BABAM1: variants seen among roughly 807,000 people sequenced by gnomAD.
BABAM1 encodes the protein BRISC and BRCA1-A complex member 1.
BABAM1 carries 14 observed loss-of-function variants against 34.4 expected under a neutral mutation model. The ratio of observed to expected loss-of-function variants is 0.41; its 90% confidence interval spans 0.27 to 0.64. BABAM1 has a LOEUF of 0.64. Among genes scored for constraint, BABAM1 ranks in the 30% least tolerant of loss-of-function variants. BABAM1 has a pLI of 0.34. For missense variants in BABAM1, 393 were observed against 434.0 expected (o/e 0.91, Z 0.84); for synonymous variants, 169 against 165.8 (o/e 1.02, Z -0.15).
chr19:17,276,356 G>A, intron 6 of BABAM1, 139 bp from the exon 7 acceptor site: 1 of 1,317,328 alleles, frequency 7.6e-7, no homozygotes, highest in Non-Finnish European at 1.0e-6. Context: ...CTTATGGGAT[G>A]CCTCACAGGC....
At chr19:17,277,711 C>G (rs1405662492) in intron 8 of BABAM1, among the ~76,000 whole-genome samples, 1 of 152,090 alleles carries the variant, frequency 6.6e-6, no homozygotes, top group Non-Finnish European at 1.5e-5. Context: ...TCTCAGTACC[C>G]AAATCAAAAG....
chr19:17,278,351 C>T (rs2073936047), intron 8 of BABAM1, among the ~76,000 whole-genome samples: 1 of 149,832 alleles, frequency 6.7e-6, no homozygotes, highest in Admixed American at 6.6e-5. Context: ...CTCTGTCGCC[C>T]AGGCTGGAGA....
chr19:17,275,835 C>G lies in BABAM1; in HGVS notation c.569+10C>G. On this transcript the variant is annotated intron_variant, in intron 6 of 8. Coordinates refer to ENST00000598188, the MANE Select transcript of BABAM1 (RefSeq NM_014173.4). Reference sequence around the variant, plus strand: ...GACTTTTCAGCCTCATGTAAGTCCCCTGTGGGGAAATTCTTATTCACCTTC... The same window carrying G: ...GACTTTTCAGCCTCATGTAAGTCCCGTGTGGGGAAATTCTTATTCACCTTC... The G allele has an allele frequency of 1.2e-6, 2 of 1,612,784 alleles. No individual in the cohort carries two copies. Among genetic ancestry groups the G allele is most frequent in the Non-Finnish European group, 1.7e-6 (2 of 1,178,860 alleles).
rs1568332522 is a variant in BABAM1 at position 17,268,854 on chromosome 19, A to G, written c.48A>G (p.Glu16=). 1 of 1,609,986 alleles carries G rather than the reference A, an allele frequency of 6.2e-7. No homozygotes were observed. Among genetic ancestry groups the G allele is most frequent in the South Asian group, 1.1e-5 (1 of 90,324 alleles). Residue 16 remains glutamate (E), a synonymous_variant, in exon 2 of 9, where the codon GAA becomes GAG. Coordinates refer to ENST00000598188, the MANE Select transcript of BABAM1 (RefSeq NM_014173.4). ...GCCCCACTGAAGAGGAGGAGGAGGA[A>G]GAGGAGCACTCGGCAGAGCCTCGGC... ...PSSPTEEEEE[E]EEHSAEPRPR... is the part of the protein sequence containing the mutation.
chr19:17,269,647 G>C (rs899885931), intron 2 of BABAM1, among the ~76,000 whole-genome samples: 2 of 152,042 alleles, frequency 1.3e-5, no homozygotes, highest in South Asian at 4.1e-4. Flanking sequence ...CACTCTGCCT[G>C]ACCCTTTCTT....
At chr19:17,272,147 G>A (rs570068101) in intron 3 of BABAM1, among the ~76,000 whole-genome samples, 22 of 152,054 alleles carry the variant, frequency 1.4e-4, no homozygotes, top group Non-Finnish European at 2.5e-4. Flanking sequence ...TGCCATGTTG[G>A]CCAGGCTGGT....
At chr19:17,274,425 G>A (rs568956539) in intron 5 of BABAM1, 63 of 546,506 alleles carry the variant, frequency 1.2e-4, no homozygotes, top group African/African-American at 9.1e-4. Context: ...GATTTGGTCC[G>A]GGCATGGTGG....
rs770883294 is a variant in BABAM1, at chr19:17,273,895, C to A, written c.345-9C>A. ...AACCTTAATTCCCCTGTACTCTCTGCCTCCCCAGCTCCAAAACCAACGCCC... is the reference window on the plus strand; with the variant it reads ...AACCTTAATTCCCCTGTACTCTCTGACTCCCCAGCTCCAAAACCAACGCCC... On this transcript the variant is annotated splice_polypyrimidine_tract_variant and intron_variant, in intron 3 of 8. Coordinates refer to ENST00000598188, the MANE Select transcript of BABAM1 (RefSeq NM_014173.4). The A allele has an allele frequency of 4.4e-6, 7 of 1,600,262 alleles. No individual in the cohort carries two copies. The highest frequency in any genetic ancestry group is 6.0e-6 in the Non-Finnish European group (7 of 1,173,658).
At chr19:17,273,571 T>G (rs1039938910) in intron 3 of BABAM1, among the ~76,000 whole-genome samples, 7 of 123,928 alleles carry the variant, frequency 5.6e-5, no homozygotes, top group East Asian at 2.1e-4. Flanking sequence ...TTTGTTTTTT[T>G]TTTTTTTTTT....
At chr19:17,275,556 C>G (rs2145622196) in intron 5 of BABAM1, among the ~76,000 whole-genome samples, 1 of 152,314 alleles carries the variant, frequency 6.6e-6, no homozygotes, top group East Asian at 1.9e-4. Context: ...TCCCAAAGTG[C>G]TATGATTGCA....
intron 2 of BABAM1, among the ~76,000 whole-genome samples, chr19:17,269,991 C>T (rs1321465438): frequency 2.0e-5 from 3 of 149,268 alleles, no homozygotes; most frequent in Non-Finnish European, 4.4e-5. Flanking sequence ...AGTGCAGTGG[C>T]GCTATCTCGG....
In BABAM1 at chr19:17,274,024, G is replaced by C; in HGVS notation, c.465G>C (p.Trp155Cys). 6.2e-7 allele frequency: 1 copy of C among 1,613,950 alleles called. No individual in the cohort carries two copies. The stretch of plus-strand genomic sequence containing the variant: ...TGGTGGTGAACGATGACACGGCCTG[G>C]GTGAGGCTGCGGCAGGCGCTGGGTG... ...ALVVVNDDTA[W>C]LSGLTSDPRE... Residue 155 changes from tryptophan (W) to cysteine (C), a missense_variant and splice_region_variant, in exon 4 of 9, where the codon TGG becomes TGC. Physicochemically the swap from Trp to Cys is radical, Grantham distance 215. Transcript: ENST00000598188.
chr19:17,278,737 A>G (rs976303830), intron 8 of BABAM1, 108 bp from the exon 9 acceptor site: 2 of 1,106,494 alleles, frequency 1.8e-6, no homozygotes, highest in Non-Finnish European at 1.3e-6. Flanking sequence ...ACCCTTTAGA[A>G]CCCACCCCAG....
In BABAM1 at chr19:17,268,866, G is replaced by C. The variant is rs754267863; in HGVS notation, c.60G>C (p.Ser20=). Residue 20 remains serine (S), a synonymous_variant, in exon 2 of 9, where the codon TCG becomes TCC. Transcript: ENST00000598188. ...AGGAGGAGGAGGAAGAGGAGCACTC[G>C]GCAGAGCCTCGGCCCCGCACTCGCT... ...TEEEEEEEEH[S]AEPRPRTRSN... 2 of 1,606,308 alleles carry C rather than the reference G, an allele frequency of 1.2e-6. No homozygotes were observed. Among genetic ancestry groups the C allele is most frequent in the South Asian group, 2.2e-5 (2 of 89,668 alleles).
At chr19:17,272,905 C>T (rs1395795720) in intron 3 of BABAM1, among the ~76,000 whole-genome samples, 1 of 152,094 alleles carries the variant, frequency 6.6e-6, no homozygotes, top group Non-Finnish European at 1.5e-5. Context: ...GTAATCCCAG[C>T]TACTCGGGAG....
chr19:17,274,282 A>T, intron 5 of BABAM1, 97 bp downstream of exon 5: 1 of 1,465,016 alleles, frequency 6.8e-7, no homozygotes, highest in Non-Finnish European at 9.4e-7. Context: ...TGGCTGGCTG[A>T]GGTTCAGATC....
intron 5 of BABAM1, among the ~76,000 whole-genome samples, chr19:17,275,533 A>T (rs547278941): frequency 6.6e-6 from 1 of 150,514 alleles, no homozygotes; most frequent in Non-Finnish European, 1.5e-5. Context: ...CAGATGGTCC[A>T]CCCGCCTTGG....
chr19:17,277,140 C>T (rs547643978), intron 8 of BABAM1: 177 of 490,258 alleles, frequency 3.6e-4, no homozygotes, highest in Non-Finnish European at 5.9e-4. Flanking sequence ...CTGCCTCCCC[C>T]ATCTCCAACG....
rs2073911669 is a variant in BABAM1 at position 17,276,587 on chromosome 19, C to T, written c.662C>T (p.Pro221Leu). The T allele has an allele frequency of 1.2e-6, 2 of 1,606,574 alleles. No individual in the cohort carries two copies. Among genetic ancestry groups the T allele is most frequent in the Non-Finnish European group, 1.7e-6 (2 of 1,176,792 alleles). ...ACCATCCTTGTCTACAGCCGTCCAC[C>T]TTGCCAGCCCCAGTTCTCCTTGACG... ...VRTILVYSRP[P>L]CQPQFSLTEP... The change falls in exon 7 of 9, where the codon CCT becomes CTT. Residue 221 changes from proline to leucine, a missense_variant. Transcript: ENST00000598188.
Sources: allele counts gnomAD v4.1 joint callset (sites outside exome capture counted in the v4.1 genomes callset), GRCh38; gene constraint gnomAD v4.1.1; transcripts MANE v1.5; gene names NCBI Gene and HGNC (gene_info 2026-07-23, HGNC 2026-07-21).